ZNF780B: variants seen among roughly 807,000 people sequenced by gnomAD.
ZNF780B encodes zinc finger protein 779.
In ZNF780B, 52 loss-of-function variants were observed where a neutral mutation model predicts 74.1. The observed-to-expected ratio is 0.70, with a 90% CI of 0.56 to 0.88. The LOEUF (loss-of-function observed/expected upper bound fraction) is 0.88. ZNF780B is among the 40% of genes least tolerant of loss of function. ZNF780B has a pLI of 0.00. For synonymous variants in ZNF780B, 315 were observed against 324.3 expected, an observed-to-expected ratio of 0.97 and a Z score of 0.31; for missense variants, 953 against 1,007.6, an observed-to-expected ratio of 0.95 and a Z score of 0.73.
rs1397973490 is a variant in ZNF780B, at chr19:40,035,069, T to C, written c.1790A>G (p.His597Arg). 1.9e-6 allele frequency: 3 copies of C among 1,614,058 alleles called. No individual in the cohort carries two copies. Among genetic ancestry groups the C allele is most frequent in the South Asian group, 1.1e-5 (1 of 91,074 alleles). Residue 597 changes from histidine (H) to arginine (R), a missense_variant, in exon 5 of 5, where the codon CAT becomes CGT. Coordinates refer to ENST00000434248, the MANE Select transcript of ZNF780B (RefSeq NM_001005851.3). Reference sequence around the variant, plus strand: ...TTTCTGATGTCGAATAAGGTGCATATGAAGTCGAAAGGCTTTCCCACATTC... The same window carrying C: ...TTTCTGATGTCGAATAAGGTGCATACGAAGTCGAAAGGCTTTCCCACATTC... Reference protein sequence around the residue: ...CKECGKAFRLHMHLIRHQKFH... With the variant: ...CKECGKAFRLRMHLIRHQKFH...
At chr19:40,043,559 C>G (rs930768574) in intron 4 of ZNF780B, among the ~76,000 whole-genome samples, 1 of 152,256 alleles carries the variant, frequency 6.6e-6, no homozygotes, top group East Asian at 1.9e-4. Flanking sequence ...GGGCTCCACC[C>G]AGTTTGAGCT....
chr19:40,048,746 C>T lies in ZNF780B; in HGVS notation c.60G>A (p.Trp20Ter), dbSNP rs753804042. The T allele has an allele frequency of 1.2e-5, 20 of 1,614,160 alleles. No homozygotes were observed. Among genetic ancestry groups the T allele is most frequent in the East Asian group, 4.5e-5 (2 of 44,884 alleles). ...TCCTCTGATCAGGCTGCAGGCACTC[C>T]CACTCCTCCTGAGAGAAGTCAATGG... The part of the protein sequence containing the change: ...DVAIDFSQEE[W>*]ECLQPDQRTL... The change falls in exon 3 of 5, where the codon TGG becomes TGA. Residue 20 changes from tryptophan (W) to a stop codon, truncating the protein, a stop_gained. Coordinates refer to ENST00000434248, the MANE Select transcript of ZNF780B (RefSeq NM_001005851.3). LOFTEE classifies it high-confidence loss of function.
rs776099439 is a variant in ZNF780B, at chr19:40,035,210, G to A, written c.1649C>T (p.Thr550Ile). Reference sequence around the variant, plus strand: ...TTCAAAGGGTTTCTCACCTGTATGAGTTTTCTCATGTTGAGAAAGTTGTAG... The same window carrying A: ...TTCAAAGGGTTTCTCACCTGTATGAATTTTCTCATGTTGAGAAAGTTGTAG... The part of the protein sequence containing the change: ...LHLQLSQHEK[T>I]HTGEKPFECK... Residue 550 changes from threonine (T) to isoleucine (I), a missense_variant, in exon 5 of 5, where the codon ACT (threonine) becomes ATT (isoleucine). Thr to Ile is a moderately conservative substitution (Grantham distance 89, BLOSUM62 -1). Transcript: ENST00000434248. 1 of 1,612,900 alleles carries A rather than the reference G, an allele frequency of 6.2e-7. No individual in the cohort carries two copies. Among genetic ancestry groups the A allele is most frequent in the Non-Finnish European group, 8.5e-7 (1 of 1,179,774 alleles).
intron 4 of ZNF780B, among the ~76,000 whole-genome samples, chr19:40,039,009 T>C (rs1277260776): frequency 5.3e-5 from 8 of 152,248 alleles, no homozygotes; most frequent in Non-Finnish European, 1.2e-4. Context: ...TGAATGGTAT[T>C]GCCCAGGTTT....
chr19:40,054,675 C>T (rs1435097077), intron 1 of ZNF780B, among the ~76,000 whole-genome samples: 5 of 152,154 alleles, frequency 3.3e-5, no homozygotes, highest in Non-Finnish European at 7.3e-5. Flanking sequence ...AAAACAAAAG[C>T]TAAAACATTA....
Position 40,035,351 on chromosome 19 carries a change from C to T in ZNF780B, c.1508G>A (p.Cys503Tyr), listed in dbSNP as rs368380585. The change falls in exon 5 of 5, where the codon TGT (cysteine) becomes TAT (tyrosine). Residue 503 changes from cysteine to tyrosine, a missense_variant. Physicochemically the swap from Cys to Tyr is radical, Grantham distance 194 (BLOSUM62 -2). Coordinates refer to ENST00000434248, the MANE Select transcript of ZNF780B (RefSeq NM_001005851.3). ...ATTGAAGGCCTTCCCACAGTCTTTA[C>T]ATTCAAATGGTTTCTCACCAGTATG... is the stretch of plus-strand genomic sequence containing the variant. ...NIHTGEKPFE[C>Y]KDCGKAFNRG... 20 of 1,614,034 alleles carry T rather than the reference C, an allele frequency of 1.2e-5. No individual in the cohort carries two copies. The highest frequency in any genetic ancestry group is 3.3e-4 in the Middle Eastern group (2 of 6,084).
At chr19:40,054,214 G>A (rs1182194197) in intron 1 of ZNF780B, among the ~76,000 whole-genome samples, 1 of 152,144 alleles carries the variant, frequency 6.6e-6, no homozygotes, top group Non-Finnish European at 1.5e-5. Context: ...TACAGGTCGG[G>A]GGTAATGTGG....
chr19:40,031,719 A>C lies in ZNF780B; in HGVS notation c.*2638T>G. On this transcript the variant is annotated 3_prime_UTR_variant, in exon 5 of 5. Transcript: ENST00000434248. ...GAGTACAGTGTCAGCCATATCACAC[A>C]AGTTGAATTATGTTGACGCTTTAAT... The C allele has an allele frequency of 4.6e-6, 1 of 218,816 alleles. No individual in the cohort carries two copies. The highest frequency in any genetic ancestry group is 5.1e-5 in the Admixed American group (1 of 19,784). 13.6% of individuals were successfully genotyped at this position (218,816 alleles called of 1,614,324 possible). A position where few individuals can be genotyped will look rare whatever the true frequency, so the allele number is the denominator to read the frequency against.
chr19:40,050,324 A>G lies in ZNF780B; in HGVS notation c.9T>C (p.His3=), dbSNP rs781426802. 1 of 1,597,066 alleles carries G rather than the reference A, an allele frequency of 6.3e-7. No individual in the cohort carries two copies. The highest frequency in any genetic ancestry group is 8.5e-7 in the Non-Finnish European group (1 of 1,178,088). The part of the protein sequence containing the change: MV[H]GSVTFRDVAI... Reference sequence around the variant, plus strand: ...CAAGAAGACAGAAACACCAACTTACATGGACCATGTTTCTAGAATTACAAA... The same window carrying G: ...CAAGAAGACAGAAACACCAACTTACGTGGACCATGTTTCTAGAATTACAAA... Residue 3 remains histidine, a splice_region_variant and synonymous_variant, in exon 2 of 5, where the codon CAT becomes CAC. Coordinates refer to ENST00000434248, the MANE Select transcript of ZNF780B (RefSeq NM_001005851.3).
Position 40,034,193 on chromosome 19 carries a change from A to G in ZNF780B, c.*164T>C. 1 of 692,802 alleles carries G rather than the reference A, an allele frequency of 1.4e-6. No individual in the cohort carries two copies. Among genetic ancestry groups the G allele is most frequent in the Non-Finnish European group, 2.5e-6 (1 of 395,498 alleles). The allele number at this position is 692,802 out of a possible 1,614,324, so 42.9% of individuals were successfully genotyped here. A position where few individuals can be genotyped will look rare whatever the true frequency, so the allele number is the denominator to read the frequency against. On this transcript the variant is annotated 3_prime_UTR_variant, in exon 5 of 5. Transcript: ENST00000434248. ...ATTCTTCACATTGATATGGTTTCTC[A>G]CCAGTATGAATTCTCTGATGTACTC... is the stretch of plus-strand genomic sequence containing the variant.
At chr19:40,045,338 G>A (rs1477052741) in intron 4 of ZNF780B, among the ~76,000 whole-genome samples, 7 of 152,036 alleles carry the variant, frequency 4.6e-5, no homozygotes, top group African/African-American at 1.7e-4. Context: ...CTGAGAGGAT[G>A]AGGGAAAAAG....
At chr19:40,041,835 A>G (rs1294909465) in intron 4 of ZNF780B, among the ~76,000 whole-genome samples, 2 of 152,128 alleles carry the variant, frequency 1.3e-5, no homozygotes, top group Non-Finnish European at 2.9e-5. Flanking sequence ...AATACAGCAC[A>G]CTGATGGGTC....
intron 4 of ZNF780B, among the ~76,000 whole-genome samples, chr19:40,037,795 C>T (rs946869734): frequency 6.6e-6 from 1 of 151,994 alleles, no homozygotes; most frequent in Non-Finnish European, 1.5e-5. Context: ...TATAACCTTT[C>T]TCTTATCTTC....
At chr19:40,049,512 C>T (rs1213026104) in intron 2 of ZNF780B, among the ~76,000 whole-genome samples, 1 of 152,126 alleles carries the variant, frequency 6.6e-6, no homozygotes, top group Non-Finnish European at 1.5e-5. Context: ...TCTGTTACTG[C>T]CCACTGTCCT....
chr19:40,040,586 G>A (rs941130057), intron 4 of ZNF780B, among the ~76,000 whole-genome samples: 3 of 152,170 alleles, frequency 2.0e-5, no homozygotes, highest in Non-Finnish European at 4.4e-5. Flanking sequence ...CACAATTTCA[G>A]AGCCTGTTAT....
In ZNF780B at chr19:40,034,271, G is replaced by C. The variant is rs572266567; in HGVS notation, c.*86C>G. 20 of 1,141,514 alleles carry C rather than the reference G, an allele frequency of 1.8e-5. No individual in the cohort carries two copies. Among genetic ancestry groups the C allele is most frequent in the South Asian group, 1.2e-4 (8 of 65,042 alleles). 70.7% of individuals were successfully genotyped at this position (1,141,514 alleles called of 1,614,324 possible). Reference sequence around the variant, plus strand: ...TCCCACATCCTTGACATTCATAAGGGTTCTCACGAATATGAAATCTATAAT... The same window carrying C: ...TCCCACATCCTTGACATTCATAAGGCTTCTCACGAATATGAAATCTATAAT... On this transcript the variant is annotated 3_prime_UTR_variant, in exon 5 of 5. Transcript: ENST00000434248.
At chr19:40,043,627 T>C (rs9783938) in intron 4 of ZNF780B, among the ~76,000 whole-genome samples, 30,232 of 152,234 alleles carry the variant, frequency 0.2, 6,877 homozygotes, top group African/African-American at 0.56. Context: ...CCTCCAGCCT[T>C]GCTGCCACCT....
Position 40,036,301 on chromosome 19 carries a change from A to T in ZNF780B, c.558T>A (p.Ile186=), listed in dbSNP as rs1414738207. 2 of 1,613,844 alleles carry T rather than the reference A, an allele frequency of 1.2e-6. No homozygotes were observed. Among genetic ancestry groups the T allele is most frequent in the East Asian group, 4.5e-5 (2 of 44,858 alleles). Residue 186 remains isoleucine (I), a synonymous_variant, in exon 5 of 5, where the codon ATT becomes ATA. Transcript: ENST00000434248. ...CGSNLIQHQS[I]HTGEKPYKCK... ...ATTTATAGGGTTTCTCTCCAGTATG[A>T]ATACTCTGATGCTGAATAAGATTTG...
At position 40,028,592 on chromosome 19, in the gene ZNF780B, G is replaced by A. The variant is rs1030322146; in HGVS notation, c.*5765C>T. 1 of 152,200 alleles carries A rather than the reference G, an allele frequency of 6.6e-6. No individual in the cohort carries two copies. The highest frequency in any genetic ancestry group is 1.5e-5 in the Non-Finnish European group (1 of 68,036). The allele number at this position is 152,200 out of a possible 1,614,324, so 9.4% of individuals were successfully genotyped here. On this transcript the variant is annotated 3_prime_UTR_variant, in exon 5 of 5. Coordinates refer to ENST00000434248, the MANE Select transcript of ZNF780B (RefSeq NM_001005851.3). ...TTTTACATGTGACAATCTAGTTGTA[G>A]CGTTTAAGATTAAATTTGGTTGTGA...
Sources: gnomAD v4.1 joint callset for allele counts (sites outside exome capture counted in the v4.1 genomes callset) on GRCh38, gnomAD v4.1.1 for gene constraint, MANE v1.5 for transcripts, NCBI Gene and HGNC (gene_info 2026-07-23, HGNC 2026-07-21) for gene names.